Variants in RBFOX3 observed in about 807,000 individuals in gnomAD.
RBFOX3 encodes the protein RNA binding fox-1 homolog 3.
RBFOX3 carries 17 observed loss-of-function variants against 48.7 expected under a neutral mutation model. The observed-to-expected ratio is 0.35, with a 90% CI of 0.24 to 0.52. The LOEUF is 0.52. Ranked by LOEUF, RBFOX3 falls within the 20% of genes least tolerant of loss-of-function variation. The pLI is 0.94. For missense variants in RBFOX3, 382 were observed against 497.5 expected (o/e 0.77, Z 2.21); for synonymous variants, 212 against 209.5 (o/e 1.01, Z -0.10).
the RBFOX3 span, among the ~76,000 whole-genome samples, chr17:79,664,871 G>C: frequency 1.3e-5 from 2 of 152,204 alleles, no homozygotes; most frequent in African/African-American, 2.4e-5. Flanking sequence ...TTGTCCTTTT[G>C]TGACTGGCTT....
At chr17:79,431,416 C>G (rs1215703321) in intron 2 of RBFOX3, among the ~76,000 whole-genome samples, 1 of 151,934 alleles carries the variant, frequency 6.6e-6, no homozygotes, top group Non-Finnish European at 1.5e-5. Flanking sequence ...CGGGTTCAAA[C>G]GATTCTCCTG....
intron 2 of RBFOX3, among the ~76,000 whole-genome samples, chr17:79,342,021 C>A (rs112050770): frequency 6.6e-6 from 1 of 152,394 alleles, no homozygotes; most frequent in African/African-American, 2.4e-5. Context: ...CCGGCCCCCT[C>A]CCAGCCTCCC....
the RBFOX3 span, among the ~76,000 whole-genome samples, chr17:79,620,231 A>G: frequency 6.7e-6 from 1 of 150,224 alleles, no homozygotes; most frequent in Non-Finnish European, 1.5e-5. Flanking sequence ...ACATGCACAC[A>G]CGCACATGCA....
intron 4 of RBFOX3, among the ~76,000 whole-genome samples, chr17:79,153,624 C>T (rs897717905): frequency 7.2e-5 from 11 of 152,190 alleles, no homozygotes; most frequent in South Asian, 2.1e-4. Flanking sequence ...ATTTCCCATC[C>T]GGCTTTTTCT....
intron 2 of RBFOX3, among the ~76,000 whole-genome samples, chr17:79,332,962 GAC>G (rs1315265293): frequency 6.6e-6 from 1 of 151,056 alleles, no homozygotes; most frequent in African/African-American, 2.4e-5. Flanking sequence ...GAGGGAAAGA[GAC>G]AGACAGAAAG....
At chr17:79,445,478 C>T (rs868994057) in intron 2 of RBFOX3, among the ~76,000 whole-genome samples, 1 of 152,244 alleles carries the variant, frequency 6.6e-6, no homozygotes, top group African/African-American at 2.4e-5. Context: ...GGACCCGCCT[C>T]GATTTCCAGG....
At chr17:79,135,908 C>T (rs2040075724) in intron 4 of RBFOX3, 1 of 152,272 alleles carries the variant, frequency 6.6e-6, no homozygotes, top group South Asian at 2.1e-4. Flanking sequence ...CTTGTGGATT[C>T]CACAGCTCCT....
intron 4 of RBFOX3, among the ~76,000 whole-genome samples, chr17:79,123,401 C>G (rs2036287970): frequency 6.6e-6 from 1 of 152,124 alleles, no homozygotes; most frequent in South Asian, 2.1e-4. Flanking sequence ...CTCCCCACCC[C>G]CTCTACCCCC....
chr17:79,416,322 G>T (rs2148666478), intron 2 of RBFOX3, among the ~76,000 whole-genome samples: 1 of 152,310 alleles, frequency 6.6e-6, no homozygotes, highest in South Asian at 2.1e-4. Flanking sequence ...TTTGGCCATG[G>T]CCCCTGCCAA....
upstream of RBFOX3, among the ~76,000 whole-genome samples, chr17:79,613,041 C>A (rs1212456234): frequency 6.6e-6 from 1 of 152,244 alleles, no homozygotes; most frequent in Non-Finnish European, 1.5e-5. Context: ...GCTCCCCATG[C>A]GAGTTCTGCA....
At chr17:79,113,449 T>A (rs1371816855) in intron 5 of RBFOX3, among the ~76,000 whole-genome samples, 1 of 152,054 alleles carries the variant, frequency 6.6e-6, no homozygotes, top group Non-Finnish European at 1.5e-5. Flanking sequence ...GGTCCCTGGA[T>A]GAAAGATCTG....
At chr17:79,494,140 G>C (rs2081099732) in intron 1 of RBFOX3, among the ~76,000 whole-genome samples, 1 of 152,138 alleles carries the variant, frequency 6.6e-6, no homozygotes, top group Non-Finnish European at 1.5e-5. Context: ...ATTAAAATGA[G>C]GGCTTCTTTA....
intron 1 of RBFOX3, among the ~76,000 whole-genome samples, chr17:79,532,435 G>C (rs1372539891): frequency 6.6e-6 from 1 of 152,222 alleles, no homozygotes; most frequent in Non-Finnish European, 1.5e-5. Flanking sequence ...ATGCAGGGAG[G>C]CTCAGCCAGA....
intron 2 of RBFOX3, among the ~76,000 whole-genome samples, chr17:79,327,109 C>T (rs1331495856): frequency 6.6e-6 from 1 of 152,218 alleles, no homozygotes; most frequent in Non-Finnish European, 1.5e-5. Context: ...ATTTCCTTCC[C>T]TAGGGACCAG....
intron 1 of RBFOX3, among the ~76,000 whole-genome samples, chr17:79,498,008 G>C (rs537308722): frequency 6.6e-6 from 1 of 152,264 alleles, no homozygotes; most frequent in African/African-American, 2.4e-5. Flanking sequence ...GGGAACAGCT[G>C]TGGGTGCTGA....
intron 2 of RBFOX3, among the ~76,000 whole-genome samples, chr17:79,315,730 C>T (rs771802369): frequency 7.7e-4 from 117 of 152,350 alleles, no homozygotes; most frequent in Admixed American, 1.3e-3. Flanking sequence ...GGCGTTTCTG[C>T]GGGCTGCCGC....
chr17:79,575,101 G>T (rs2092814006), intron 1 of RBFOX3, among the ~76,000 whole-genome samples: 1 of 152,232 alleles, frequency 6.6e-6, no homozygotes, highest in Non-Finnish European at 1.5e-5. Flanking sequence ...GGCAGCCTGG[G>T]TATGGGGGCT....
chr17:79,576,891 G>A (rs974302306), intron 1 of RBFOX3, among the ~76,000 whole-genome samples: 1 of 152,114 alleles, frequency 6.6e-6, no homozygotes, highest in East Asian at 1.9e-4. Flanking sequence ...CCACAGCTCT[G>A]GTCCCAGACA....
intron 4 of RBFOX3, among the ~76,000 whole-genome samples, chr17:79,125,019 G>A (rs576823012): frequency 5.3e-5 from 8 of 152,292 alleles, no homozygotes; most frequent in Non-Finnish European, 1.0e-4. Flanking sequence ...CTCTGTCGTC[G>A]CCAGTTCTGG....
Sources: gnomAD v4.1 joint callset for allele counts (sites outside exome capture counted in the v4.1 genomes callset) on GRCh38, gnomAD v4.1.1 for gene constraint, MANE v1.5 for transcripts, NCBI Gene and HGNC (gene_info 2026-07-23, HGNC 2026-07-21) for gene names.